Variants in AKT3 observed in about 807,000 individuals in gnomAD.
AKT3 encodes the protein AKT serine/threonine kinase 3, also known as RAC-gamma serine/threonine-protein kinase.
In AKT3, 15 loss-of-function variants were observed where a neutral mutation model predicts 65.3. That is an observed-to-expected ratio of 0.23 (90% confidence interval 0.15 to 0.35). The LOEUF (loss-of-function observed/expected upper bound fraction) is 0.35, where lower values mean the gene tolerates loss of function less well. Among genes scored for constraint, AKT3 ranks in the 10% least tolerant of loss-of-function variants. The pLI is 1.00. For synonymous variants in AKT3, 206 were observed against 183.8 expected (o/e 1.12, Z -0.98); for missense variants, 243 against 576.5 (o/e 0.42, Z 5.92).
chr1:243,499,591 C>A, downstream of AKT3: 1 of 677,562 alleles, frequency 1.5e-6, no homozygotes. Flanking sequence ...TTGATGTGGA[C>A]AAGATGAGGC....
chr1:243,491,403 G>A (rs1341453766), intron 13 of AKT3, among the ~76,000 whole-genome samples: 2 of 152,170 alleles, frequency 1.3e-5, no homozygotes, highest in Non-Finnish European at 2.9e-5. Context: ...CATCTCTAAA[G>A]CGGCCTTTCA....
intron 12 of AKT3, among the ~76,000 whole-genome samples, chr1:243,530,128 AT>A (rs1671428561): frequency 6.6e-6 from 1 of 152,024 alleles, no homozygotes; most frequent in Non-Finnish European, 1.5e-5. Context: ...AGGAATCCTG[AT>A]TTTTGTACAT....
intron 8 of AKT3, among the ~76,000 whole-genome samples, chr1:243,581,425 G>A (rs1016654824): frequency 5.9e-5 from 9 of 152,128 alleles, no homozygotes; most frequent in Non-Finnish European, 1.3e-4. Context: ...CAGGTCAAAT[G>A]CCACAGCCCA....
intron 2 of AKT3, among the ~76,000 whole-genome samples, chr1:243,702,579 A>G (rs1685536823): frequency 6.6e-6 from 1 of 152,190 alleles, no homozygotes; most frequent in South Asian, 2.1e-4. Context: ...ACCACTTATG[A>G]TAATATAATT....
chr1:243,705,744 T>C (rs149140542), intron 2 of AKT3, among the ~76,000 whole-genome samples: 5 of 152,194 alleles, frequency 3.3e-5, no homozygotes, highest in Middle Eastern at 3.4e-3. Flanking sequence ...AGTAGGTATG[T>C]TGTGGAGAAT....
downstream of AKT3, among the ~76,000 whole-genome samples, chr1:243,497,883 T>C (rs1264914348): frequency 6.6e-6 from 1 of 152,192 alleles, no homozygotes; most frequent in Non-Finnish European, 1.5e-5. Context: ...GGTCTCACTA[T>C]GTTGCCCAGG....
intron 4 of AKT3, among the ~76,000 whole-genome samples, chr1:243,660,504 TCAA>T (rs1200554848): frequency 6.6e-6 from 1 of 152,196 alleles, no homozygotes; most frequent in African/African-American, 2.4e-5. Context: ...TTGACAAAAT[TCAA>T]CAACCCTTCA....
chr1:243,592,205 G>A (rs1306018025), intron 8 of AKT3, among the ~76,000 whole-genome samples: 1 of 151,962 alleles, frequency 6.6e-6, no homozygotes, highest in African/African-American at 2.4e-5. Flanking sequence ...CTTGGTGGCA[G>A]GAGCCTGTAG....
intron 12 of AKT3, among the ~76,000 whole-genome samples, chr1:243,533,457 G>A (rs1671683567): frequency 1.3e-5 from 2 of 152,124 alleles, no homozygotes; most frequent in African/African-American, 4.8e-5. Flanking sequence ...AGTACCTATG[G>A]CAATTGTACT....
intron 2 of AKT3, among the ~76,000 whole-genome samples, chr1:243,809,561 T>C (rs1692989685): frequency 6.6e-6 from 1 of 152,150 alleles, no homozygotes; most frequent in Non-Finnish European, 1.5e-5. Context: ...CAAAGAGACT[T>C]AGACTCCCAC....
intron 9 of AKT3, among the ~76,000 whole-genome samples, chr1:243,567,434 A>C: frequency 6.6e-6 from 1 of 151,278 alleles, no homozygotes; most frequent in East Asian, 1.9e-4. Flanking sequence ...CAGCCTCCTA[A>C]GTACACAGGC....
chr1:243,596,994 C>A (rs1676660673), intron 8 of AKT3, among the ~76,000 whole-genome samples: 1 of 152,108 alleles, frequency 6.6e-6, no homozygotes, highest in South Asian at 2.1e-4. Flanking sequence ...AAAGATGAAT[C>A]AAATCTTTAG....
intron 2 of AKT3, among the ~76,000 whole-genome samples, chr1:243,838,862 C>G (rs1266705806): frequency 2.0e-5 from 3 of 152,114 alleles, no homozygotes; most frequent in Non-Finnish European, 4.4e-5. Flanking sequence ...ACTGGTTACA[C>G]ATAGAGAATA....
At chr1:243,742,060 A>AAAAAAAAAAAAAAAAAAAAAAAAAAAAAT (rs1688189836) in intron 2 of AKT3, among the ~76,000 whole-genome samples, 1 of 12,060 alleles carries the variant, frequency 8.3e-5, no homozygotes, top group Non-Finnish European at 6.5e-4. Flanking sequence ...ATAGAAAATT[A>AAAAAAAAAAAAAAAAAAAAAAAAAAAAAT]AAAAAAAAAA....
chr1:243,823,564 C>T (rs1424585417), intron 2 of AKT3, among the ~76,000 whole-genome samples: 1 of 152,198 alleles, frequency 6.6e-6, no homozygotes, highest in Non-Finnish European at 1.5e-5. Flanking sequence ...TAAGCAACTT[C>T]AGCAAAGTCT....
intron 12 of AKT3, among the ~76,000 whole-genome samples, chr1:243,521,710 T>C (rs1280729807): frequency 6.6e-6 from 1 of 152,210 alleles, no homozygotes; most frequent in East Asian, 1.9e-4. Context: ...TGTATCGTAA[T>C]ATTAGACCTG....
chr1:243,827,561 C>G (rs1229826247), intron 2 of AKT3, among the ~76,000 whole-genome samples: 1 of 152,046 alleles, frequency 6.6e-6, no homozygotes, highest in Non-Finnish European at 1.5e-5. Flanking sequence ...GTCTTAGCTC[C>G]TAACTGTGTA....
chr1:243,732,269 C>T (rs1258028449), intron 2 of AKT3, among the ~76,000 whole-genome samples: 3 of 152,170 alleles, frequency 2.0e-5, no homozygotes, highest in African/African-American at 7.2e-5. Flanking sequence ...ACCAGTCACA[C>T]AAGATACCCA....
rs184151453 is a variant in AKT3, at chr1:243,510,303, G to A, written c.1354+2021C>T. ...AAGTATTATTGAATACGCACACTGT[G>A]CCAGGCATCTAACTAGGAGCTTGGG... On this transcript the variant is annotated intron_variant, in intron 13 of 13. Coordinates refer to ENST00000673466, the MANE Select transcript of AKT3 (RefSeq NM_005465.7). Among the ~76,000 whole-genome samples, 591 of 152,294 alleles carry A rather than the reference G, an allele frequency of 3.9e-3. 8 individuals are homozygous for A. The highest frequency in any genetic ancestry group is 3.5e-3 in the Non-Finnish European group (241 of 68,032).
Sources: gnomAD v4.1 joint callset for allele counts (sites outside exome capture counted in the v4.1 genomes callset) on GRCh38, gnomAD v4.1.1 for gene constraint, MANE v1.5 for transcripts, NCBI Gene and HGNC (gene_info 2026-07-23, HGNC 2026-07-21) for gene names.